Variants in CDKL4 observed in about 807,000 individuals in gnomAD.
CDKL4 encodes cyclin-dependent kinase-like 4.
CDKL4 carries 44 observed loss-of-function variants against 42.0 expected under a neutral mutation model. The ratio of observed to expected loss-of-function variants is 1.05; its 90% CI spans 0.82 to 1.35. CDKL4 has a LOEUF of 1.35. Ranked by LOEUF, CDKL4 falls within the 40% of genes most tolerant of loss-of-function variation. The pLI is 0.00. For missense variants in CDKL4, 393 were observed against 369.9 expected (o/e 1.06, Z -0.51); for synonymous variants, 120 against 121.6 (o/e 0.99, Z 0.09).
the CDKL4 span, among the ~76,000 whole-genome samples, chr2:39,169,058 G>A: frequency 3.3e-5 from 5 of 152,092 alleles, no homozygotes; most frequent in Admixed American, 6.5e-5. Context: ...CCAGGCTTGA[G>A]TCCTTGCTTT....
At chr2:39,182,713 T>C (rs2136638) in intron 8 of CDKL4, among the ~76,000 whole-genome samples, 115,727 of 152,174 alleles carry the variant, frequency 0.76, 47,182 homozygotes, top group Non-Finnish European at 0.92. Context: ...TATAGTCTTC[T>C]TCTTGATGGA....
At chr2:39,226,281 T>C (rs1341106070) in intron 2 of CDKL4, among the ~76,000 whole-genome samples, 2 of 151,540 alleles carry the variant, frequency 1.3e-5, no homozygotes, top group Admixed American at 6.6e-5. Flanking sequence ...AGCTTACATA[T>C]TGCCATGGAT....
chr2:39,185,191 CAT>C (rs1181485240), intron 7 of CDKL4, among the ~76,000 whole-genome samples: 18 of 76,342 alleles, frequency 2.4e-4, no homozygotes, highest in South Asian at 4.3e-4. Flanking sequence ...TGTGTATATA[CAT>C]ATATATACAC....
At chr2:39,227,430 T>C (rs1475117400) in intron 2 of CDKL4, among the ~76,000 whole-genome samples, 2 of 152,266 alleles carry the variant, frequency 1.3e-5, no homozygotes, top group East Asian at 3.9e-4. Flanking sequence ...CCTAAAACTG[T>C]GTGCCTGCTG....
At chr2:39,171,143 G>A (rs1674988431), downstream of CDKL4, among the ~76,000 whole-genome samples, 2 of 151,890 alleles carry the variant, frequency 1.3e-5, no homozygotes, top group Non-Finnish European at 2.9e-5. Context: ...GGAGGCTGAG[G>A]CAGGAGGATC....
intron 4 of CDKL4, 24 bp downstream of exon 4, chr2:39,213,376 A>AATAC (rs778235799): frequency 1.0e-5 from 14 of 1,396,108 alleles, no homozygotes; most frequent in Non-Finnish European, 1.3e-5. Flanking sequence ...GAAATGAATA[A>AATAC]ATACATTAGA....
At chr2:39,179,959 C>T (rs923011060) in intron 8 of CDKL4, among the ~76,000 whole-genome samples, 5 of 152,106 alleles carry the variant, frequency 3.3e-5, no homozygotes, top group African/African-American at 1.2e-4. Context: ...CCATTAGAAG[C>T]CTCTAGGTCG....
chr2:39,182,412 C>T lies in CDKL4; in HGVS notation c.792+2179G>A, dbSNP rs1675490908. Among the ~76,000 whole-genome samples the T allele has an allele frequency of 2.6e-5, 4 of 152,326 alleles. No homozygotes were observed. In the South Asian group the frequency reaches 8.3e-4, roughly 32 times the overall value. ...TAGAAGACACTGCTAATGCTGAGCT[C>T]TCTCCATGGAGTCTGAGCTGGAACA... On this transcript the variant is annotated intron_variant, in intron 8 of 9. Coordinates refer to ENST00000451199, the Ensembl canonical transcript of CDKL4.
chr2:39,193,259 T>C (rs1032167029), intron 5 of CDKL4, among the ~76,000 whole-genome samples: 1 of 145,784 alleles, frequency 6.9e-6, no homozygotes, highest in African/African-American at 2.5e-5. Context: ...AATGGCGAAA[T>C]CTCTCTCTGT....
chr2:39,172,963 T>G (rs1393704019), downstream of CDKL4, among the ~76,000 whole-genome samples: 1 of 152,186 alleles, frequency 6.6e-6, no homozygotes, highest in Non-Finnish European at 1.5e-5. Context: ...CCCTCCCCAG[T>G]GACACCTAAG....
chr2:39,205,250 G>A (rs1677092190), intron 4 of CDKL4, among the ~76,000 whole-genome samples: 1 of 152,038 alleles, frequency 6.6e-6, no homozygotes, highest in Admixed American at 6.6e-5. Context: ...ACTTTTTGCT[G>A]GGTCCTATTT....
At chr2:39,244,101 G>A (rs1216166677), upstream of CDKL4, among the ~76,000 whole-genome samples, 3 of 152,360 alleles carry the variant, frequency 2.0e-5, no homozygotes, top group African/African-American at 7.2e-5. Flanking sequence ...TCTGAGAGGT[G>A]ACAGCGTGCT....
At chr2:39,230,783 G>A (rs774536448) in intron 1 of CDKL4, among the ~76,000 whole-genome samples, 3 of 152,140 alleles carry the variant, frequency 2.0e-5, no homozygotes, top group Non-Finnish European at 4.4e-5. Context: ...TGAAGTAGGT[G>A]TTATTTTTAT....
downstream of CDKL4, among the ~76,000 whole-genome samples, chr2:39,170,847 G>T (rs1225274965): frequency 2.6e-5 from 4 of 152,032 alleles, no homozygotes; most frequent in Non-Finnish European, 5.9e-5. Flanking sequence ...TTTTTTTTGA[G>T]AATTCTGTGA....
intron 9 of CDKL4, among the ~76,000 whole-genome samples, chr2:39,177,350 G>C (rs1675207677): frequency 6.6e-6 from 1 of 152,072 alleles, no homozygotes; most frequent in Non-Finnish European, 1.5e-5. Flanking sequence ...AGTCCAGCTG[G>C]GGCAGCTGAC....
At chr2:39,172,194 C>T (rs890393748), downstream of CDKL4, among the ~76,000 whole-genome samples, 1 of 151,962 alleles carries the variant, frequency 6.6e-6, no homozygotes, top group Non-Finnish European at 1.5e-5. Context: ...CACCTGTAAT[C>T]CCAGCTACTG....
chr2:39,196,887 G>C (rs1029775743), intron 5 of CDKL4, among the ~76,000 whole-genome samples: 4 of 152,180 alleles, frequency 2.6e-5, no homozygotes, highest in South Asian at 2.1e-4. Flanking sequence ...GATTACAGGC[G>C]TAAGCCACTG....
intron 3 of CDKL4, 92 bp from the exon 4 acceptor site, chr2:39,213,564 T>A (rs1020912489): frequency 6.5e-6 from 5 of 769,134 alleles, no homozygotes; most frequent in East Asian, 2.5e-5. Flanking sequence ...TGAGGGACTG[T>A]CCTCTTCAAG....
chr2:39,237,125 T>C (rs1402082877), intron 1 of CDKL4, among the ~76,000 whole-genome samples: 3 of 152,208 alleles, frequency 2.0e-5, no homozygotes, highest in Non-Finnish European at 4.4e-5. Context: ...GAACACAGAT[T>C]ATTCTCATGA....
Sources: gnomAD v4.1 joint callset for allele counts (sites outside exome capture counted in the v4.1 genomes callset) on GRCh38, gnomAD v4.1.1 for gene constraint, MANE v1.5 for transcripts, NCBI Gene and HGNC (gene_info 2026-07-23, HGNC 2026-07-21) for gene names.